The following FBXL17 variants were observed in gnomAD, a reference collection of about 807,000 sequenced individuals.
FBXL17 encodes F-box and leucine rich repeat protein 17.
A neutral mutation model predicts 66.2 loss-of-function variants in FBXL17; 22 were observed. The ratio of observed to expected loss-of-function variants is 0.33; its 90% CI spans 0.24 to 0.47. The LOEUF (loss-of-function observed/expected upper bound fraction) is 0.47. FBXL17 is among the 20% of genes least tolerant of loss of function. The pLI is 1.00. For missense variants in FBXL17, 878 were observed against 948.2 expected, an observed-to-expected ratio of 0.93 and a Z score of 0.97; for synonymous variants, 474 against 400.5, an observed-to-expected ratio of 1.18 and a Z score of -2.19.
chr5:108,089,664 A>C (rs1749116556), intron 6 of FBXL17, among the ~76,000 whole-genome samples: 1 of 152,178 alleles, frequency 6.6e-6, no homozygotes, highest in East Asian at 1.9e-4. Flanking sequence ...AGTTCCTAAA[A>C]GGGCTGAGAC....
intron 4 of FBXL17, among the ~76,000 whole-genome samples, chr5:108,283,268 T>C (rs1036732182): frequency 4.6e-5 from 7 of 151,740 alleles, no homozygotes; most frequent in Non-Finnish European, 8.9e-5. Context: ...AATTTTGTTA[T>C]AAAAGAACAA....
chr5:108,264,118 GGGA>G (rs1561495113), intron 4 of FBXL17, among the ~76,000 whole-genome samples: 2 of 150,732 alleles, frequency 1.3e-5, no homozygotes, highest in African/African-American at 4.9e-5. Flanking sequence ...AGGAAGCTGG[GGGA>G]GGAGAACTGC....
At chr5:108,141,448 C>G (rs1407743507) in intron 6 of FBXL17, among the ~76,000 whole-genome samples, 3 of 152,176 alleles carry the variant, frequency 2.0e-5, no homozygotes, top group Non-Finnish European at 4.4e-5. Context: ...CTGAGCAGGG[C>G]AGAGGCCAGG....
intron 4 of FBXL17, chr5:108,299,643 A>C (rs952683977): frequency 1.0e-6 from 1 of 974,910 alleles, no homozygotes; most frequent in South Asian, 4.7e-5. Context: ...AAAAATAATA[A>C]AAATTAAAAT....
intron 7 of FBXL17, among the ~76,000 whole-genome samples, chr5:107,930,687 T>A: frequency 6.6e-6 from 1 of 152,212 alleles, no homozygotes. Flanking sequence ...AGAAGTGAAA[T>A]GAATAGAGGA....
At chr5:107,920,952 TTC>T (rs1750299296) in intron 7 of FBXL17, among the ~76,000 whole-genome samples, 1 of 152,176 alleles carries the variant, frequency 6.6e-6, no homozygotes, top group Non-Finnish European at 1.5e-5. Context: ...TACAATGCAT[TTC>T]TGTTTTCATA....
chr5:108,342,342 C>T (rs892585892), intron 4 of FBXL17, among the ~76,000 whole-genome samples: 1 of 152,154 alleles, frequency 6.6e-6, no homozygotes, highest in Non-Finnish European at 1.5e-5. Context: ...AAGATTAACA[C>T]TAAATACTAG....
chr5:108,093,187 A>G (rs1749248978), intron 6 of FBXL17, among the ~76,000 whole-genome samples: 1 of 151,988 alleles, frequency 6.6e-6, no homozygotes, highest in Admixed American at 6.6e-5. Context: ...AAAAGCTGGT[A>G]ATTAGTTTAC....
intron 4 of FBXL17, among the ~76,000 whole-genome samples, chr5:108,329,150 T>C (rs558746136): frequency 3.9e-5 from 6 of 152,172 alleles, no homozygotes; most frequent in Admixed American, 3.3e-4. Context: ...CAAAAAGAAA[T>C]TGAGGCAGCT....
intron 6 of FBXL17, among the ~76,000 whole-genome samples, chr5:108,068,269 A>C (rs890136370): frequency 6.6e-6 from 1 of 152,172 alleles, no homozygotes; most frequent in African/African-American, 2.4e-5. Flanking sequence ...AAATACACAA[A>C]TAACACTGAT....
intron 7 of FBXL17, among the ~76,000 whole-genome samples, chr5:107,949,505 C>T (rs1206735751): frequency 6.6e-6 from 1 of 152,048 alleles, no homozygotes; most frequent in Non-Finnish European, 1.5e-5. Flanking sequence ...CAGGGCTGGA[C>T]CCAAAGCACA....
intron 6 of FBXL17, among the ~76,000 whole-genome samples, chr5:108,023,494 G>A (rs1045907880): frequency 6.6e-6 from 1 of 152,224 alleles, no homozygotes; most frequent in East Asian, 1.9e-4. Context: ...TTCCCGGCTA[G>A]TGTCTAAAGT....
chr5:108,021,295 G>A (rs1754592001), intron 6 of FBXL17, among the ~76,000 whole-genome samples: 1 of 149,350 alleles, frequency 6.7e-6, no homozygotes, highest in East Asian at 1.9e-4. Context: ...GCTATTTAAT[G>A]AATATATATT....
chr5:108,351,330 T>C (rs182673848), intron 3 of FBXL17, among the ~76,000 whole-genome samples: 9 of 152,236 alleles, frequency 5.9e-5, no homozygotes, highest in African/African-American at 1.4e-4. Context: ...GAATCAGCAA[T>C]AAACAGTCAA....
intron 7 of FBXL17, among the ~76,000 whole-genome samples, chr5:107,916,886 A>G (rs1750150407): frequency 1.3e-5 from 2 of 152,230 alleles, no homozygotes; most frequent in South Asian, 4.1e-4. Context: ...AAATACTCAG[A>G]AGTAGAAACC....
chr5:108,262,076 TTA>T (rs1191433734), intron 4 of FBXL17, among the ~76,000 whole-genome samples: 1 of 134,228 alleles, frequency 7.5e-6, no homozygotes, highest in African/African-American at 3.1e-5. Context: ...ATTTATTTAT[TTA>T]TTTATTTATT....
At chr5:108,095,808 A>G (rs1749347694) in intron 6 of FBXL17, among the ~76,000 whole-genome samples, 1 of 152,182 alleles carries the variant, frequency 6.6e-6, no homozygotes, top group Non-Finnish European at 1.5e-5. Flanking sequence ...CGATTGTTTG[A>G]AAAGAACTAG....
chr5:108,192,519 G>C (rs1395213181), intron 5 of FBXL17, among the ~76,000 whole-genome samples: 4 of 152,128 alleles, frequency 2.6e-5, no homozygotes, highest in Non-Finnish European at 5.9e-5. Context: ...TATAAAATGA[G>C]ACACTAAAAT....
intron 7 of FBXL17, among the ~76,000 whole-genome samples, chr5:107,906,158 C>T (rs906754476): frequency 4.0e-5 from 6 of 151,506 alleles, no homozygotes; most frequent in African/African-American, 1.5e-4. Flanking sequence ...ACAGGCCAGC[C>T]AAGTAGTCAG....
Sources: gnomAD v4.1 joint callset for allele counts (sites outside exome capture counted in the v4.1 genomes callset) on GRCh38, gnomAD v4.1.1 for gene constraint, MANE v1.5 for transcripts, NCBI Gene and HGNC (gene_info 2026-07-23, HGNC 2026-07-21) for gene names.